The following MINDY2 variants were observed in gnomAD, a reference collection of about 807,000 sequenced individuals.
MINDY2 encodes MINDY lysine 48 deubiquitinase 2.
MINDY2 carries 52 observed loss-of-function variants against 68.2 expected under a neutral mutation model. The observed-to-expected ratio is 0.76, with a 90% CI of 0.61 to 0.96. The LOEUF (loss-of-function observed/expected upper bound fraction) is 0.96. MINDY2 is among the 40% of genes least tolerant of loss of function. The pLI is 0.00. For synonymous variants in MINDY2, 372 were observed against 303.0 expected (o/e 1.23, Z -2.36); for missense variants, 881 against 773.4 (o/e 1.14, Z -1.65).
intron 4 of MINDY2, among the ~76,000 whole-genome samples, chr15:58,819,156 A>T (rs1229105248): frequency 6.6e-6 from 1 of 152,046 alleles, no homozygotes; most frequent in East Asian, 1.9e-4. Flanking sequence ...AAAAAGAAAA[A>T]TTTTTTTAGA....
intron 1 of MINDY2, 112 bp downstream of exon 1, chr15:58,772,347 C>A: frequency 6.9e-7 from 1 of 1,454,858 alleles, no homozygotes; most frequent in South Asian, 1.3e-5. Flanking sequence ...TCATCAGTCC[C>A]CTTCTTACAT....
chr15:58,778,810 CTTTTTT>C (rs1182523003), intron 1 of MINDY2, among the ~76,000 whole-genome samples: 1 of 114,374 alleles, frequency 8.7e-6, no homozygotes, highest in African/African-American at 3.5e-5. Flanking sequence ...TTCTTTTTTT[CTTTTTT>C]TTTTTTTTTT....
At chr15:58,820,221 G>C (rs1427383560) in intron 4 of MINDY2, among the ~76,000 whole-genome samples, 1 of 151,816 alleles carries the variant, frequency 6.6e-6, no homozygotes, top group Admixed American at 6.6e-5. Context: ...AGCCAAGACT[G>C]TGTCAGTGCA....
rs529185512 is a variant in MINDY2, at chr15:58,803,758, G to C, written c.963+1381G>C. On this transcript the variant is annotated intron_variant, in intron 3 of 8. Transcript: ENST00000559228. Reference sequence around the variant, plus strand: ...TTGAACCAGGGAGGCGGAGGTTGCAGTGAGCCGAGATTGCGTCACTACACT... The same window carrying C: ...TTGAACCAGGGAGGCGGAGGTTGCACTGAGCCGAGATTGCGTCACTACACT... Among the ~76,000 whole-genome samples, 13 of 152,146 alleles carry C rather than the reference G, an allele frequency of 8.5e-5. No homozygotes were observed. In the South Asian group the frequency reaches 2.7e-3, roughly 32 times the overall value.
At chr15:58,813,394 G>A (rs1233961896) in intron 4 of MINDY2, among the ~76,000 whole-genome samples, 1 of 152,184 alleles carries the variant, frequency 6.6e-6, no homozygotes, top group Non-Finnish European at 1.5e-5. Context: ...ACTTGGGGAG[G>A]CTGAGGCAGG....
chr15:58,806,605 A>C (rs1218109476), intron 3 of MINDY2, among the ~76,000 whole-genome samples: 1 of 152,096 alleles, frequency 6.6e-6, no homozygotes, highest in African/African-American at 2.4e-5. Context: ...ATGGGGAATA[A>C]TTGTAGCAAA....
At chr15:58,826,585 C>T (rs1325393763) in intron 5 of MINDY2, among the ~76,000 whole-genome samples, 1 of 152,114 alleles carries the variant, frequency 6.6e-6, no homozygotes, top group Non-Finnish European at 1.5e-5. Context: ...TAGCACTTTA[C>T]CTGTAAATGC....
chr15:58,836,602 A>C (rs1161407089), intron 6 of MINDY2, among the ~76,000 whole-genome samples: 2 of 151,918 alleles, frequency 1.3e-5, no homozygotes, highest in Non-Finnish European at 2.9e-5. Context: ...CAGAGTACCC[A>C]GTGAGTGCTT....
rs1382466730 is a variant in MINDY2 at position 58,858,584 on chromosome 15, A to T, written c.*3974A>T. The T allele has an allele frequency of 3.3e-5, 5 of 152,294 alleles. No homozygotes were observed. The highest frequency in any genetic ancestry group is 1.2e-4 in the African/African-American group (5 of 41,582). The allele number at this position is 152,294 out of a possible 1,614,324, so 9.4% of individuals were successfully genotyped here. A position where few individuals can be genotyped will look rare whatever the true frequency, so the allele number is the denominator to read the frequency against. ...TATCTAAAATCTTGGAGAAAAATCA[A>T]GGCAAGAATTTCCAGAACTGTCCTC... is the stretch of plus-strand genomic sequence containing the variant. On this transcript the variant is annotated 3_prime_UTR_variant, in exon 9 of 9. Coordinates refer to ENST00000559228, the MANE Select transcript of MINDY2 (RefSeq NM_001040450.3).
chr15:58,816,108 G>A (rs1233435408), intron 4 of MINDY2, among the ~76,000 whole-genome samples: 1 of 152,230 alleles, frequency 6.6e-6, no homozygotes, highest in Non-Finnish European at 1.5e-5. Context: ...ATGGAATGCA[G>A]CATACATGTG....
chr15:58,845,954 A>G (rs1053733445), intron 6 of MINDY2, among the ~76,000 whole-genome samples: 1 of 152,184 alleles, frequency 6.6e-6, no homozygotes, highest in African/African-American at 2.4e-5. Flanking sequence ...ACAGAAAGAC[A>G]CACTTCGCAT....
chr15:58,800,808 C>G (rs1418487475), intron 2 of MINDY2, among the ~76,000 whole-genome samples: 2 of 142,580 alleles, frequency 1.4e-5, no homozygotes, highest in Non-Finnish European at 3.0e-5. Context: ...GCACTCCAGC[C>G]TGGGCAACAG....
intron 2 of MINDY2, among the ~76,000 whole-genome samples, chr15:58,791,362 T>C (rs1231056058): frequency 6.6e-6 from 1 of 151,066 alleles, no homozygotes; most frequent in Non-Finnish European, 1.5e-5. Context: ...ACTAGCCACA[T>C]GCGGTCCTCA....
Position 58,796,027 on chromosome 15 carries a change from G to T in MINDY2, c.899-6286G>T, listed in dbSNP as rs374742316. The stretch of plus-strand genomic sequence containing the variant: ...TATGACTTGGCAGTGTGGTTATTGT[G>T]ACCTTCATCAAACCGTGTCACTGCA... On this transcript the variant is annotated intron_variant, in intron 2 of 8. Transcript: ENST00000559228. 1.7e-4 allele frequency: 75 copies of T among 451,512 alleles called. No individual in the cohort carries two copies. In the East Asian group the frequency reaches 1.7e-3, roughly 10 times the overall value. 28.0% of individuals were successfully genotyped at this position (451,512 alleles called of 1,614,324 possible).
chr15:58,815,876 C>T (rs1411623116), intron 4 of MINDY2: 1 of 151,992 alleles, frequency 6.6e-6, no homozygotes, highest in South Asian at 2.1e-4. Flanking sequence ...GACGGGGCTT[C>T]ATCATGTTGG....
At chr15:58,816,222 A>G (rs2030677678) in intron 4 of MINDY2, among the ~76,000 whole-genome samples, 1 of 152,158 alleles carries the variant, frequency 6.6e-6, no homozygotes, top group Non-Finnish European at 1.5e-5. Context: ...ATTCAGGAGA[A>G]TGGAAGGATG....
Position 58,857,868 on chromosome 15 carries a change from T to A in MINDY2, c.*3258T>A, listed in dbSNP as rs1480730835. 1 of 152,174 alleles carries A rather than the reference T, an allele frequency of 6.6e-6. No individual in the cohort carries two copies. Among genetic ancestry groups the A allele is most frequent in the East Asian group, 1.9e-4 (1 of 5,200 alleles). The allele number at this position is 152,174 out of a possible 1,614,324, so 9.4% of individuals were successfully genotyped here. On this transcript the variant is annotated 3_prime_UTR_variant, in exon 9 of 9. Transcript: ENST00000559228. ...TTGCACTTTCCTTTTACTTTCAGAG[T>A]CTAAGTATATTCCTTAAGGTTAGTA...
chr15:58,810,194 T>C (rs1595736745), intron 3 of MINDY2, 36 bp from the exon 4 acceptor site: 3 of 1,553,122 alleles, frequency 1.9e-6, no homozygotes, highest in Non-Finnish European at 2.6e-6. Context: ...CGTTTTGATG[T>C]TTCTGAATTA....
intron 5 of MINDY2, among the ~76,000 whole-genome samples, chr15:58,831,037 G>GTATATATATATATATATATATA (rs549317915): frequency 9.1e-6 from 1 of 110,376 alleles, no homozygotes; most frequent in African/African-American, 4.1e-5. Context: ...GTGTGTGTGT[G>GTATATATATATATATATATATA]TGTGTATATA....
Sources: gnomAD v4.1 joint callset for allele counts (sites outside exome capture counted in the v4.1 genomes callset) on GRCh38, gnomAD v4.1.1 for gene constraint, MANE v1.5 for transcripts, NCBI Gene and HGNC (gene_info 2026-07-23, HGNC 2026-07-21) for gene names.